The following TMEM108 variants were observed in gnomAD, a reference collection of about 807,000 sequenced individuals.
TMEM108 encodes cancer/testis antigen 124.
In TMEM108, 12 loss-of-function variants were observed where a neutral mutation model predicts 35.1. That is an observed-to-expected ratio of 0.34 (90% confidence interval 0.22 to 0.55). TMEM108 has a LOEUF of 0.55. TMEM108 is among the 20% of genes least tolerant of loss of function. The pLI is 0.89. For missense variants in TMEM108, 680 were observed against 753.3 expected, an observed-to-expected ratio of 0.90 and a Z score of 1.14; for synonymous variants, 287 against 308.6, an observed-to-expected ratio of 0.93 and a Z score of 0.73.
intron 2 of TMEM108, among the ~76,000 whole-genome samples, chr3:133,076,760 G>C (rs993348518): frequency 2.0e-5 from 3 of 152,242 alleles, no homozygotes; most frequent in African/African-American, 4.8e-5. Context: ...ATGTAGGAAG[G>C]CTTTGGCAAT....
chr3:133,301,276 G>A (rs1193018946), intron 3 of TMEM108, among the ~76,000 whole-genome samples: 3 of 152,146 alleles, frequency 2.0e-5, no homozygotes, highest in Admixed American at 2.0e-4. Flanking sequence ...TTATACAACA[G>A]CAGCATGTAT....
chr3:133,089,174 C>G (rs1281800587), intron 2 of TMEM108, among the ~76,000 whole-genome samples: 1 of 152,126 alleles, frequency 6.6e-6, no homozygotes, highest in Non-Finnish European at 1.5e-5. Context: ...GTAATCCAAT[C>G]ACCTCCCACC....
chr3:133,167,602 G>A (rs1325116285), intron 2 of TMEM108, among the ~76,000 whole-genome samples: 2 of 152,224 alleles, frequency 1.3e-5, no homozygotes. Flanking sequence ...AGTGCTGGGG[G>A]ACCTGGTGCA....
At chr3:133,370,870 T>C (rs2072640941) in intron 3 of TMEM108, among the ~76,000 whole-genome samples, 1 of 79,524 alleles carries the variant, frequency 1.3e-5, no homozygotes, top group Admixed American at 1.5e-4. Flanking sequence ...CCCCAGCCCA[T>C]AGTGTGTGTG....
chr3:133,094,226 A>AC (rs1943983823), intron 2 of TMEM108, among the ~76,000 whole-genome samples: 7 of 18,010 alleles, frequency 3.9e-4, no homozygotes, highest in South Asian at 2.9e-3. Flanking sequence ...CTCCCACCCC[A>AC]CCCCCCACCC....
intron 2 of TMEM108, among the ~76,000 whole-genome samples, chr3:133,197,783 G>A (rs532926162): frequency 2.6e-5 from 4 of 152,282 alleles, no homozygotes; most frequent in South Asian, 4.2e-4. Flanking sequence ...AGGGTACAGA[G>A]GTATCTGCTA....
chr3:133,223,910 A>G (rs76127899), intron 2 of TMEM108, among the ~76,000 whole-genome samples: 4,680 of 152,314 alleles, frequency 0.031, 221 homozygotes, highest in African/African-American at 0.1. Context: ...ATAAATAGCC[A>G]AATGGTGCTT....
intron 3 of TMEM108, among the ~76,000 whole-genome samples, chr3:133,237,943 T>A (rs1946261865): frequency 1.3e-5 from 2 of 152,186 alleles, no homozygotes; most frequent in Non-Finnish European, 2.9e-5. Context: ...TGGGGAGTCC[T>A]CAATAAATTT....
At chr3:133,260,663 GA>G (rs1946611031) in intron 3 of TMEM108, among the ~76,000 whole-genome samples, 1 of 151,998 alleles carries the variant, frequency 6.6e-6, no homozygotes, top group Non-Finnish European at 1.5e-5. Context: ...GAGCCCATTG[GA>G]AAATTCTAAA....
intron 1 of TMEM108, among the ~76,000 whole-genome samples, chr3:133,039,019 G>A (rs1256412747): frequency 6.6e-6 from 1 of 152,222 alleles, no homozygotes; most frequent in Non-Finnish European, 1.5e-5. Context: ...GGACCTGGCG[G>A]TTTTCACCCC....
At chr3:133,246,477 TA>T (rs112300579) in intron 3 of TMEM108, 52,553 of 145,028 alleles carry the variant, frequency 0.36, 9,189 homozygotes, top group East Asian at 0.48. Flanking sequence ...TGATTTGTCC[TA>T]AAAAAAAAAA....
At chr3:133,311,888 G>T (rs1576449085) in intron 3 of TMEM108, among the ~76,000 whole-genome samples, 2 of 152,278 alleles carry the variant, frequency 1.3e-5, no homozygotes, top group East Asian at 3.9e-4. Context: ...CCTACAGATG[G>T]GGTTTTGGTG....
intron 3 of TMEM108, among the ~76,000 whole-genome samples, chr3:133,271,631 G>C (rs1277172835): frequency 6.6e-6 from 1 of 152,164 alleles, no homozygotes; most frequent in Admixed American, 6.5e-5. Context: ...TGTGAGTTCA[G>C]GAAGTGTCTT....
chr3:133,085,261 T>A (rs577935355), intron 2 of TMEM108, among the ~76,000 whole-genome samples: 1 of 152,180 alleles, frequency 6.6e-6, no homozygotes, highest in Non-Finnish European at 1.5e-5. Context: ...AAATGAATGT[T>A]TTCATTTTTT....
chr3:133,369,146 A>G (rs949298569), intron 3 of TMEM108, among the ~76,000 whole-genome samples: 1 of 152,294 alleles, frequency 6.6e-6, no homozygotes, highest in African/African-American at 2.4e-5. Flanking sequence ...CCCTCCCACT[A>G]TGCCCTCTAC....
chr3:133,156,839 C>T (rs1234460401), intron 2 of TMEM108, among the ~76,000 whole-genome samples: 1 of 152,120 alleles, frequency 6.6e-6, no homozygotes, highest in Non-Finnish European at 1.5e-5. Flanking sequence ...CTTTTAAGAG[C>T]CTGTGTGTGA....
chr3:133,216,940 A>G (rs978544045), intron 2 of TMEM108, among the ~76,000 whole-genome samples: 1 of 152,140 alleles, frequency 6.6e-6, no homozygotes, highest in Non-Finnish European at 1.5e-5. Context: ...CCTTGAATAT[A>G]TACCCAGTAG....
intron 2 of TMEM108, among the ~76,000 whole-genome samples, chr3:133,178,709 G>A (rs1305268895): frequency 6.6e-6 from 1 of 152,146 alleles, no homozygotes; most frequent in Non-Finnish European, 1.5e-5. Context: ...AAAAACCCTA[G>A]AAGAAAACCT....
At chr3:133,262,425 C>T (rs1313784043) in intron 3 of TMEM108, among the ~76,000 whole-genome samples, 2 of 152,244 alleles carry the variant, frequency 1.3e-5, no homozygotes, top group East Asian at 1.9e-4. Context: ...CTATGAACTA[C>T]ATCAATCTCA....
Sources: gnomAD v4.1 joint callset for allele counts (sites outside exome capture counted in the v4.1 genomes callset) on GRCh38, gnomAD v4.1.1 for gene constraint, MANE v1.5 for transcripts, NCBI Gene and HGNC (gene_info 2026-07-23, HGNC 2026-07-21) for gene names.